TTC21B: variants seen among roughly 807,000 people sequenced by gnomAD.
TTC21B encodes tetratricopeptide repeat domain 21B, also known as tetratricopeptide repeat protein 21B.
TTC21B carries 127 observed loss-of-function variants against 175.1 expected under a neutral mutation model. The observed-to-expected ratio is 0.73, with a 90% CI of 0.63 to 0.84. TTC21B has a LOEUF of 0.84. TTC21B is among the 40% of genes least tolerant of loss of function. The pLI is 0.00. For synonymous variants in TTC21B, 524 were observed against 524.5 expected (o/e 1.00, Z 0.01); for missense variants, 1,561 against 1,558.3 (o/e 1.00, Z -0.03).
intron 11 of TTC21B, among the ~76,000 whole-genome samples, chr2:165,925,488 C>G (rs1359767177): frequency 6.6e-6 from 1 of 152,132 alleles, no homozygotes; most frequent in Non-Finnish European, 1.5e-5. Flanking sequence ...CTCTCCACCC[C>G]AAGCCCCCTG....
intron 28 of TTC21B, among the ~76,000 whole-genome samples, 157 bp downstream of exon 28, chr2:165,876,008 C>A (rs1189250234): frequency 6.6e-6 from 1 of 151,968 alleles, no homozygotes; most frequent in East Asian, 1.9e-4. Context: ...ACATCATTTT[C>A]TAAATTTCGA....
chr2:165,937,771 C>CCACACA (rs4001021), intron 6 of TTC21B, among the ~76,000 whole-genome samples: 2,397 of 127,582 alleles, frequency 0.019, 41 homozygotes, highest in African/African-American at 0.033. Context: ...TATATAGAAA[C>CCACACA]CACACACACA....
chr2:165,938,144 A>C (rs1687229088), intron 6 of TTC21B, among the ~76,000 whole-genome samples: 1 of 152,106 alleles, frequency 6.6e-6, no homozygotes, highest in African/African-American at 2.4e-5. Context: ...TGGTATGTAA[A>C]ACAAACAAAC....
chr2:165,914,691 G>GTC (rs1553511409), intron 15 of TTC21B, among the ~76,000 whole-genome samples: 1 of 148,252 alleles, frequency 6.7e-6, no homozygotes, highest in African/African-American at 2.6e-5. Flanking sequence ...GTGTGTGTGT[G>GTC]TGTGTGTTGT....
chr2:165,912,564 A>G lies in TTC21B; in HGVS notation c.2272T>C (p.Leu758=), dbSNP rs111228450. The G allele has an allele frequency of 4.2e-5, 68 of 1,614,116 alleles. No individual in the cohort carries two copies. The highest frequency in any genetic ancestry group is 4.1e-4 in the African/African-American group (31 of 75,044). Residue 758 remains leucine (L), a synonymous_variant, in exon 17 of 29, where the codon TTG becomes CTG. Transcript: ENST00000243344. ...AGTGCTTTGCCCATTTTGCTTGCCA[A>G]TGTTCCATCTTTCGGGTTCTGATTT... ...ALNQNPKDGT[L]ASKMGKALIK...
chr2:165,937,460 A>G (rs1161723272), intron 6 of TTC21B, among the ~76,000 whole-genome samples: 4 of 152,108 alleles, frequency 2.6e-5, no homozygotes, highest in African/African-American at 9.6e-5. Flanking sequence ...CCTATAGTGT[A>G]AGTTCATCCA....
At chr2:165,900,373 T>C (rs1465264305) in intron 20 of TTC21B, among the ~76,000 whole-genome samples, 2 of 152,328 alleles carry the variant, frequency 1.3e-5, no homozygotes, top group South Asian at 4.1e-4. Context: ...CTGAAAAAAT[T>C]ATATTAATAA....
Position 165,930,263 on chromosome 2 carries a change from G to A in TTC21B, c.996C>T (p.Tyr332=), listed in dbSNP as rs779714510. The A allele has an allele frequency of 1.2e-5, 19 of 1,612,846 alleles. No homozygotes were observed. The East Asian group carries it at 4.2e-4, about 36-fold the overall frequency. ...QQSEFATELG[Y]QMILQGRVKE... is the part of the protein sequence containing the mutation. ...TAACTCTTCCTTGTAAAATCATTTG[G>A]TATCCAAGTTCTGTAGCAAATTCTG... is the stretch of plus-strand genomic sequence containing the variant. Residue 332 remains tyrosine (Y), a synonymous_variant, in exon 9 of 29, where the codon TAC becomes TAT. Transcript: ENST00000243344.
chr2:165,949,019 G>C (rs556133255), intron 3 of TTC21B: 1 of 261,202 alleles, frequency 3.8e-6, no homozygotes, highest in East Asian at 1.0e-4. Context: ...GAAATAAACT[G>C]CATTGGCTGT....
At chr2:165,929,780 C>T (rs1686817837) in intron 9 of TTC21B, 33 bp from the exon 10 acceptor site, 1 of 1,448,894 alleles carries the variant, frequency 6.9e-7, no homozygotes, top group Admixed American at 1.7e-5. Flanking sequence ...CAGTCAAAGT[C>T]CACACCAATT....
chr2:165,917,375 C>T lies in TTC21B; in HGVS notation c.1781G>A (p.Gly594Glu). The change falls in exon 14 of 29, where the codon GGA (glycine) becomes GAA (glutamate). Residue 594 changes from glycine (G) to glutamate (E), a missense_variant. Physicochemically the swap from Gly to Glu is moderately conservative, Grantham distance 98. Coordinates refer to ENST00000243344, the MANE Select transcript of TTC21B (RefSeq NM_024753.5). ...TGTGGAAGCTCCAATTCTTTTCATT[C>T]CTGGTAAACTCATTGCCATATGCAG... The part of the protein sequence containing the change: ...KTLHMAMSLP[G>E]MKRIGASTKS... The T allele has an allele frequency of 6.2e-7, 1 of 1,614,128 alleles. No homozygotes were observed. Among genetic ancestry groups the T allele is most frequent in the East Asian group, 2.2e-5 (1 of 44,872 alleles).
intron 27 of TTC21B, among the ~76,000 whole-genome samples, chr2:165,878,308 C>T (rs1684733732): frequency 6.6e-6 from 1 of 152,124 alleles, no homozygotes; most frequent in African/African-American, 2.4e-5. Flanking sequence ...AGCTGCACTA[C>T]ACCTGCCAAA....
At chr2:165,902,779 C>T (rs986587824) in intron 19 of TTC21B, among the ~76,000 whole-genome samples, 2 of 152,152 alleles carry the variant, frequency 1.3e-5, no homozygotes, top group African/African-American at 4.8e-5. Context: ...TAGTAAAAAA[C>T]CTGAAAACAA....
rs200002165 is a variant in TTC21B at position 165,924,711 on chromosome 2, A to G, written c.1387-33T>C. 455 of 1,597,640 alleles carry G rather than the reference A, an allele frequency of 2.8e-4. 6 individuals are homozygous for G. The South Asian group carries it at 4.7e-3, about 16-fold the overall frequency. ...AAACAAATCAGCAGATCATTTTATA[A>G]GTGTAAAAATAATATTTACCTAAAA... is the stretch of plus-strand genomic sequence containing the variant. On this transcript the variant is annotated intron_variant, in intron 11 of 28. Coordinates refer to ENST00000243344, the MANE Select transcript of TTC21B (RefSeq NM_024753.5).
chr2:165,898,803 A>G, intron 21 of TTC21B, 36 bp from the exon 22 acceptor site: 1 of 1,298,844 alleles, frequency 7.7e-7, no homozygotes, highest in Non-Finnish European at 1.1e-6. Context: ...AAATATTGCC[A>G]TGTATTTTAC....
rs1479139216 is a variant in TTC21B at position 165,891,000 on chromosome 2, T to C, written c.2951-12A>G. ...TGTCATATAATTATCTAGAAACAAA[T>C]AATACTTCAGATATGGGCACCATTT... On this transcript the variant is annotated splice_polypyrimidine_tract_variant and intron_variant, in intron 22 of 28. Transcript: ENST00000243344. 5 of 1,605,250 alleles carry C rather than the reference T, an allele frequency of 3.1e-6. No homozygotes were observed. The highest frequency in any genetic ancestry group is 1.3e-5 in the African/African-American group (1 of 74,732).
intron 22 of TTC21B, among the ~76,000 whole-genome samples, chr2:165,896,614 G>A (rs1342959006): frequency 6.6e-6 from 1 of 152,124 alleles, no homozygotes; most frequent in African/African-American, 2.4e-5. Flanking sequence ...GGCATTCTAA[G>A]GAAGAAGCAG....
intron 11 of TTC21B, 88 bp from the exon 12 acceptor site, chr2:165,924,766 C>T (rs543582305): frequency 7.8e-5 from 111 of 1,416,972 alleles, no homozygotes; most frequent in Non-Finnish European, 1.0e-4. Flanking sequence ...GTATAACTAA[C>T]CAAGCTATAT....
chr2:165,911,572 C>T, intron 17 of TTC21B, 107 bp from the exon 18 acceptor site: 3 of 1,363,798 alleles, frequency 2.2e-6, no homozygotes, highest in Non-Finnish European at 3.1e-6. Flanking sequence ...CTAGAAATAA[C>T]CAGGAAGAAT....
Sources: allele counts gnomAD v4.1 joint callset (sites outside exome capture counted in the v4.1 genomes callset), GRCh38; gene constraint gnomAD v4.1.1; transcripts MANE v1.5; gene names NCBI Gene and HGNC (gene_info 2026-07-23, HGNC 2026-07-21).